Variants in MACROD2 observed in about 807,000 individuals in gnomAD.
MACROD2 encodes the protein mono-ADP ribosylhydrolase 2.
A neutral mutation model predicts 70.4 loss-of-function variants in MACROD2; 36 were observed. The observed-to-expected ratio is 0.51, with a 90% CI of 0.39 to 0.68. The LOEUF (loss-of-function observed/expected upper bound fraction) is 0.68, where lower values mean the gene tolerates loss of function less well. Ranked by LOEUF, MACROD2 falls within the 30% of genes least tolerant of loss-of-function variation. The pLI is 0.00. For missense variants in MACROD2, 496 were observed against 538.4 expected, an observed-to-expected ratio of 0.92 and a Z score of 0.78; for synonymous variants, 172 against 178.8, an observed-to-expected ratio of 0.96 and a Z score of 0.30.
chr20:15,261,036 C>CT (rs1447475522), intron 6 of MACROD2, among the ~76,000 whole-genome samples: 1 of 151,954 alleles, frequency 6.6e-6, no homozygotes, highest in Non-Finnish European at 1.5e-5. Flanking sequence ...AACTATTGGC[C>CT]TTGCTATATG....
intron 3 of MACROD2, among the ~76,000 whole-genome samples, chr20:14,474,576 C>A (rs916958076): frequency 7.9e-5 from 12 of 152,036 alleles, no homozygotes; most frequent in Non-Finnish European, 1.6e-4. Context: ...GTATTAAAGT[C>A]TTCTACCGTT....
At chr20:14,500,664 T>C (rs2057230490) in intron 4 of MACROD2, among the ~76,000 whole-genome samples, 1 of 152,254 alleles carries the variant, frequency 6.6e-6, no homozygotes, top group African/African-American at 2.4e-5. Context: ...TTTATTACAC[T>C]TCTAACTTTG....
chr20:15,028,916 C>A (rs545399231), intron 5 of MACROD2, among the ~76,000 whole-genome samples: 39 of 152,256 alleles, frequency 2.6e-4, no homozygotes, highest in African/African-American at 8.9e-4. Flanking sequence ...AGAACAAGAT[C>A]GTGAATGGTG....
chr20:14,274,675 T>G (rs921441796), intron 3 of MACROD2, among the ~76,000 whole-genome samples: 8 of 151,970 alleles, frequency 5.3e-5, no homozygotes, highest in East Asian at 3.9e-4. Flanking sequence ...GGAAATAAAG[T>G]GTATTCAATT....
chr20:14,869,062 C>T (rs1325191956), intron 5 of MACROD2, among the ~76,000 whole-genome samples: 4 of 152,136 alleles, frequency 2.6e-5, no homozygotes, highest in Non-Finnish European at 4.4e-5. Context: ...AGCACCAAAC[C>T]TTGAGTGGCC....
At chr20:14,211,855 T>C (rs1219716360) in intron 3 of MACROD2, among the ~76,000 whole-genome samples, 3 of 152,178 alleles carry the variant, frequency 2.0e-5, no homozygotes, top group African/African-American at 7.2e-5. Context: ...GAGGTGGTAA[T>C]AGTCACTACA....
intron 8 of MACROD2, among the ~76,000 whole-genome samples, chr20:15,805,387 G>C (rs758420368): frequency 3.9e-5 from 6 of 152,090 alleles, no homozygotes; most frequent in African/African-American, 1.4e-4. Context: ...CTAGGGAATC[G>C]AGTTTTATCA....
At chr20:15,427,024 G>C (rs1600396185) in intron 6 of MACROD2, among the ~76,000 whole-genome samples, 1 of 151,592 alleles carries the variant, frequency 6.6e-6, no homozygotes, top group East Asian at 1.9e-4. Context: ...CTGTCTGTCT[G>C]TCTCTCTCTC....
chr20:15,085,377 G>GA (rs1220640129), intron 5 of MACROD2, among the ~76,000 whole-genome samples: 2 of 151,914 alleles, frequency 1.3e-5, no homozygotes, highest in Admixed American at 1.3e-4. Flanking sequence ...AGCAAGAAAA[G>GA]AAAAAACATA....
At chr20:14,977,579 T>C (rs1370005044) in intron 5 of MACROD2, among the ~76,000 whole-genome samples, 1 of 151,946 alleles carries the variant, frequency 6.6e-6, no homozygotes, top group Admixed American at 6.6e-5. Context: ...CCTCTCTGCC[T>C]CAGTTTCCTC....
intron 8 of MACROD2, among the ~76,000 whole-genome samples, chr20:15,519,968 A>G (rs999471939): frequency 3.9e-5 from 6 of 152,256 alleles, no homozygotes; most frequent in African/African-American, 1.4e-4. Flanking sequence ...GGAGAAGCCT[A>G]GAACTCCATG....
At chr20:15,024,557 T>G (rs1477174143) in intron 5 of MACROD2, among the ~76,000 whole-genome samples, 1 of 151,998 alleles carries the variant, frequency 6.6e-6, no homozygotes, top group Non-Finnish European at 1.5e-5. Context: ...AAAAAACATT[T>G]GTTAAAACAT....
intron 3 of MACROD2, among the ~76,000 whole-genome samples, chr20:14,464,256 G>C (rs1000641057): frequency 9.9e-5 from 15 of 152,124 alleles, no homozygotes; most frequent in African/African-American, 3.6e-4. Flanking sequence ...TCCTGGTTTA[G>C]TCTTGGGAGG....
chr20:14,920,776 T>C (rs1488984432), intron 5 of MACROD2, among the ~76,000 whole-genome samples: 1 of 152,168 alleles, frequency 6.6e-6, no homozygotes, highest in East Asian at 1.9e-4. Context: ...GTGTAATGAA[T>C]GAGATTAATA....
rs538600426 is a variant in MACROD2, at chr20:14,757,925, G to A, written c.418+72966G>A. ...TGCAAGACTCACAAGAGGGAAAGCC[G>A]ACAGAGATACCTACAGACGGAGTGC... On this transcript the variant is annotated intron_variant, in intron 5 of 17. Transcript: ENST00000684519. 1.2e-4 allele frequency: 133 copies of A among 1,133,770 alleles called. 1 individual carries two copies. The East Asian group carries it at 1.7e-3, about 14-fold the overall frequency. 70.2% of individuals were successfully genotyped at this position (1,133,770 alleles called of 1,614,324 possible). A position where few individuals can be genotyped will look rare whatever the true frequency, so the allele number is the denominator to read the frequency against.
At chr20:14,843,706 C>T (rs2073110166) in intron 5 of MACROD2, among the ~76,000 whole-genome samples, 1 of 152,100 alleles carries the variant, frequency 6.6e-6, no homozygotes, top group Non-Finnish European at 1.5e-5. Context: ...CTTTTGTTTT[C>T]TTGGGCATAT....
At chr20:15,030,139 C>G (rs796354850) in intron 5 of MACROD2, among the ~76,000 whole-genome samples, 1 of 151,854 alleles carries the variant, frequency 6.6e-6, no homozygotes, top group African/African-American at 2.4e-5. Flanking sequence ...TCAGTGTACT[C>G]CAGCAGATTT....
At chr20:14,057,220 A>G (rs1407167667) in intron 2 of MACROD2, among the ~76,000 whole-genome samples, 1 of 152,192 alleles carries the variant, frequency 6.6e-6, no homozygotes, top group African/African-American at 2.4e-5. Context: ...TGAAGTAGGA[A>G]AATGTTTCTT....
intron 5 of MACROD2, among the ~76,000 whole-genome samples, chr20:14,868,157 TC>T (rs2073447840): frequency 6.6e-6 from 1 of 151,616 alleles, no homozygotes. Flanking sequence ...GAGGGTTCCA[TC>T]TCTCTCCCAT....
Sources: gnomAD v4.1 joint callset for allele counts (sites outside exome capture counted in the v4.1 genomes callset) on GRCh38, gnomAD v4.1.1 for gene constraint, MANE v1.5 for transcripts, NCBI Gene and HGNC (gene_info 2026-07-23, HGNC 2026-07-21) for gene names.